Variants in SMAD2 observed in about 807,000 individuals in gnomAD.
The protein encoded by SMAD2 is SMAD family member 2.
In SMAD2, 8 loss-of-function variants were observed where a neutral mutation model predicts 64.4. The ratio of observed to expected loss-of-function variants is 0.12; its 90% confidence interval spans 0.07 to 0.22. The LOEUF is 0.22. SMAD2 is among the 10% of genes least tolerant of loss of function. The probability of loss-of-function intolerance (pLI) is 1.00; values close to 1 mark genes in which losing one functional copy is unlikely to be tolerated. For synonymous variants in SMAD2, 203 were observed against 195.8 expected, an observed-to-expected ratio of 1.04 and a Z score of -0.31; for missense variants, 289 against 561.2, an observed-to-expected ratio of 0.51 and a Z score of 4.90.
rs145083425 is a variant in SMAD2 at position 47,922,850 on chromosome 18, GGAAA to G, written c.-54+7507_-54+7510del. ...TTCTCTCCAAAGCGTAAGCTAGTAA[GGAAA>G]GACACTGCCAACTGGAAACCTAGGT... On this transcript the variant is annotated intron_variant, in intron 1 of 10. Transcript: ENST00000262160. Among the ~76,000 whole-genome samples, 170 of 152,310 alleles carry G rather than the reference GGAAA, an allele frequency of 1.1e-3. 1 individual carries two copies. The East Asian group carries it at 0.03, about 27-fold the overall frequency.
In SMAD2 at chr18:47,839,799, AG is replaced by A. The variant is rs1452656440; in HGVS notation, c.*2027del. ...TGCATTTGATGCTATTCTCTTTGCC[AG>A]GAATGCTTATCTCCCCTGGCTCCTC... On this transcript the variant is annotated 3_prime_UTR_variant, in exon 11 of 11. Coordinates refer to ENST00000262160, the MANE Select transcript of SMAD2 (RefSeq NM_005901.6). The A allele has an allele frequency of 8.6e-6, 2 of 233,156 alleles. No homozygotes were observed. The highest frequency in any genetic ancestry group is 5.6e-5 in the Admixed American group (1 of 17,768). 14.4% of individuals were successfully genotyped at this position (233,156 alleles called of 1,614,324 possible).
At chr18:47,892,763 T>C (rs576435089) in intron 2 of SMAD2, among the ~76,000 whole-genome samples, 8 of 152,316 alleles carry the variant, frequency 5.3e-5, no homozygotes, top group East Asian at 1.9e-4. Context: ...TCAGGAATCT[T>C]TGACAATATT....
chr18:47,842,763 C>T (rs190934638), intron 10 of SMAD2, among the ~76,000 whole-genome samples: 6 of 152,250 alleles, frequency 3.9e-5, no homozygotes, highest in African/African-American at 1.4e-4. Flanking sequence ...TTCAACTTTC[C>T]CTGCCAAAGC....
intron 10 of SMAD2, 118 bp downstream of exon 10, chr18:47,845,222 G>C (rs773289456): frequency 1.9e-6 from 2 of 1,063,328 alleles, no homozygotes; most frequent in Admixed American, 1.7e-5. Context: ...TTTACATAAA[G>C]ATCAGCTGAC....
In SMAD2 at chr18:47,870,516, C is replaced by A; in HGVS notation, c.285G>T (p.Gln95His). 1 of 1,613,762 alleles carries A rather than the reference C, an allele frequency of 6.2e-7. No individual in the cohort carries two copies. The highest frequency in any genetic ancestry group is 8.5e-7 in the Non-Finnish European group (1 of 1,179,720). The part of the protein sequence containing the change: ...WGLSTPNTID[Q>H]WDTTGLYSFS... The stretch of plus-strand genomic sequence containing the variant: ...AGCTGTAAAGGCCTGTTGTATCCCA[C>A]TGATCTATCGTATTTGGTGTACTCA... Residue 95 changes from glutamine to histidine, a missense_variant, in exon 3 of 11, where the codon CAG (glutamine) becomes CAT (histidine). Coordinates refer to ENST00000262160, the MANE Select transcript of SMAD2 (RefSeq NM_005901.6).
chr18:47,879,654 TATC>T (rs2032472798), intron 2 of SMAD2, among the ~76,000 whole-genome samples: 2 of 152,188 alleles, frequency 1.3e-5, no homozygotes, highest in South Asian at 2.1e-4. Flanking sequence ...AGAAAGTACA[TATC>T]ATTATATAGA....
At chr18:47,923,047 GACT>G (rs1460624247) in intron 1 of SMAD2, among the ~76,000 whole-genome samples, 2 of 120,088 alleles carry the variant, frequency 1.7e-5, no homozygotes, top group South Asian at 2.9e-4. Context: ...TGTGTAAAGA[GACT>G]ACTTATTTTT....
chr18:47,842,548 G>A (rs1322924044), intron 10 of SMAD2, among the ~76,000 whole-genome samples: 1 of 151,840 alleles, frequency 6.6e-6, no homozygotes, highest in Non-Finnish European at 1.5e-5. Context: ...CGGGGTGGGG[G>A]GCAGAAAAAA....
At chr18:47,898,128 T>C (rs1358325022) in intron 1 of SMAD2, among the ~76,000 whole-genome samples, 1 of 152,218 alleles carries the variant, frequency 6.6e-6, no homozygotes, top group Non-Finnish European at 1.5e-5. Flanking sequence ...TAAGGCATCA[T>C]TTCATGCCCA....
chr18:47,860,123 G>C (rs2031058993), intron 6 of SMAD2, among the ~76,000 whole-genome samples: 1 of 152,104 alleles, frequency 6.6e-6, no homozygotes, highest in African/African-American at 2.4e-5. Context: ...AACGAAGTGA[G>C]ATCCTGTCTC....
chr18:47,909,124 T>C (rs985987377), intron 1 of SMAD2, among the ~76,000 whole-genome samples: 3 of 151,044 alleles, frequency 2.0e-5, no homozygotes, highest in Non-Finnish European at 4.4e-5. Context: ...GGCCAACAGG[T>C]GTGAAGATCT....
At chr18:47,861,015 CTTAG>C (rs998570590) in intron 6 of SMAD2, among the ~76,000 whole-genome samples, 37 of 152,060 alleles carry the variant, frequency 2.4e-4, no homozygotes, top group African/African-American at 7.2e-4. Flanking sequence ...TATTGTAGGT[CTTAG>C]TTAGGACAGA....
At position 47,841,385 on chromosome 18, in the gene SMAD2, T is replaced by C. The variant is rs1338474514; in HGVS notation, c.*442A>G. On this transcript the variant is annotated 3_prime_UTR_variant, in exon 11 of 11. Transcript: ENST00000262160. ...CACAAAAATAACAGAGAAGTGGGAA[T>C]AACAGATTAGGTACTGCAACTTTAT... 4.1e-6 allele frequency: 1 copy of C among 243,908 alleles called. No individual in the cohort carries two copies. Among genetic ancestry groups the C allele is most frequent in the Non-Finnish European group, 8.1e-6 (1 of 123,262 alleles). The allele number at this position is 243,908 out of a possible 1,614,324, so 15.1% of individuals were successfully genotyped here.
rs1308888385 is a variant in SMAD2 at position 47,810,841 on chromosome 18, T to C, written c.*30986A>G. 1 of 152,242 alleles carries C rather than the reference T, an allele frequency of 6.6e-6. No individual in the cohort carries two copies. The highest frequency in any genetic ancestry group is 2.4e-5 in the African/African-American group (1 of 41,446). 9.4% of individuals were successfully genotyped at this position (152,242 alleles called of 1,614,324 possible). The stretch of plus-strand genomic sequence containing the variant: ...AGCAACAGCCGCCACAGCTGAACTG[T>C]CACACTTTTGCACCATCTTCTGAAT... On this transcript the variant is annotated 3_prime_UTR_variant, in exon 11 of 11. Coordinates refer to ENST00000262160, the MANE Select transcript of SMAD2 (RefSeq NM_005901.6).
chr18:47,855,556 A>T (rs1223754709), intron 6 of SMAD2, among the ~76,000 whole-genome samples: 2 of 151,912 alleles, frequency 1.3e-5, no homozygotes, highest in African/African-American at 4.8e-5. Context: ...TGTCTGAAAA[A>T]TTTTTTATTT....
intron 2 of SMAD2, among the ~76,000 whole-genome samples, chr18:47,880,081 T>C (rs1168094665): frequency 6.6e-6 from 1 of 152,218 alleles, no homozygotes; most frequent in Non-Finnish European, 1.5e-5. Context: ...CTTTCAGAAA[T>C]GTTTTGCAAA....
intron 1 of SMAD2, among the ~76,000 whole-genome samples, chr18:47,913,066 C>T (rs1036817572): frequency 1.8e-4 from 27 of 151,972 alleles, no homozygotes; most frequent in African/African-American, 5.3e-4. Context: ...ATTACAGGCA[C>T]GCGTCAACAC....
intron 1 of SMAD2, among the ~76,000 whole-genome samples, chr18:47,918,335 A>T (rs115578420): frequency 1.3e-3 from 191 of 152,272 alleles, no homozygotes; most frequent in African/African-American, 4.2e-3. Context: ...TTGGCTCCCA[A>T]ATACTAGCAG....
intron 6 of SMAD2, among the ~76,000 whole-genome samples, chr18:47,857,875 GAAAT>G (rs1233362714): frequency 1.3e-5 from 2 of 152,216 alleles, no homozygotes. Flanking sequence ...AGGCTGGAAA[GAAAT>G]AAGAATATGC....
Sources: allele counts gnomAD v4.1 joint callset (sites outside exome capture counted in the v4.1 genomes callset), GRCh38; gene constraint gnomAD v4.1.1; transcripts MANE v1.5; gene names NCBI Gene and HGNC (gene_info 2026-07-23, HGNC 2026-07-21).